Variants in ANKRD24 observed in about 807,000 individuals in gnomAD.
ANKRD24 encodes ankyrin repeat domain 24.
A neutral mutation model predicts 127.8 loss-of-function variants in ANKRD24; 109 were observed. That is an observed-to-expected ratio of 0.85 (90% CI 0.73 to 1.00). The LOEUF (loss-of-function observed/expected upper bound fraction) is 1.00, where lower values mean the gene tolerates loss of function less well. ANKRD24 is among the 50% of genes least tolerant of loss of function. The pLI, the probability that ANKRD24 is intolerant of heterozygous loss-of-function variation, is 0.00. For missense variants in ANKRD24, 1,648 were observed against 1,570.2 expected, an observed-to-expected ratio of 1.05 and a Z score of -0.84; for synonymous variants, 743 against 671.1, an observed-to-expected ratio of 1.11 and a Z score of -1.66.
In ANKRD24 at chr19:4,198,204, C is replaced by A; in HGVS notation, c.37-1479C>A. ...CCGGCGCCGCGTCCTCCTCATCCTC[C>A]AGGCGACAAGGTCAGGAGGGGCCGG... On this transcript the variant is annotated intron_variant, in intron 2 of 21. Coordinates refer to ENST00000318934, the MANE Select transcript of ANKRD24 (RefSeq NM_001393985.1). The surrounding 1 kb of genome is among the most constrained non-coding windows in gnomAD (Gnocchi z 6.1). 1.7e-6 allele frequency: 1 copy of A among 574,294 alleles called. No individual in the cohort carries two copies. Among genetic ancestry groups the A allele is most frequent in the Middle Eastern group, 3.7e-4 (1 of 2,696 alleles). The allele number at this position is 574,294 out of a possible 1,614,324, so 35.6% of individuals were successfully genotyped here.
chr19:4,209,942 T>C (rs1167315124), intron 11 of ANKRD24, 116 bp from the exon 12 acceptor site: 1 of 642,732 alleles, frequency 1.6e-6, no homozygotes, highest in Non-Finnish European at 2.8e-6. Context: ...GGCTGCTGGT[T>C]CCATGTTCTC....
At chr19:4,216,506 A>G in intron 17 of ANKRD24, 44 bp from the exon 18 acceptor site, 5 of 1,568,060 alleles carry the variant, frequency 3.2e-6, no homozygotes, top group Non-Finnish European at 3.5e-6. Flanking sequence ...CCCCACGGTC[A>G]CATCAACTCC....
intron 2 of ANKRD24, among the ~76,000 whole-genome samples, chr19:4,193,845 G>GAGGGAGGGAAGGAAGGAGGGA (rs573649233): frequency 2.5e-5 from 1 of 40,590 alleles, no homozygotes; most frequent in African/African-American, 1.3e-4. Flanking sequence ...GGGAGGGAGG[G>GAGGGAGGGAAGGAAGGAGGGA]AGGAAGGAAG....
chr19:4,193,864 G>GAAGT (rs768549329), intron 2 of ANKRD24, among the ~76,000 whole-genome samples: 13,433 of 133,116 alleles, frequency 0.1, 1,395 homozygotes, highest in Non-Finnish European at 0.15. Context: ...AGGAAGGAAG[G>GAAGT]AAGGAAGGAA....
chr19:4,203,467 C>G (rs1235593898), intron 7 of ANKRD24, among the ~76,000 whole-genome samples: 2 of 152,192 alleles, frequency 1.3e-5, no homozygotes, highest in African/African-American at 4.8e-5. Flanking sequence ...CTGCCTCAGA[C>G]TCCCAAGTAG....
In ANKRD24 at chr19:4,224,021, C is replaced by T. The variant is rs148697615; in HGVS notation, c.3298-106C>T. On this transcript the variant is annotated intron_variant, in intron 20 of 21. Coordinates refer to ENST00000318934, the MANE Select transcript of ANKRD24 (RefSeq NM_001393985.1). The stretch of plus-strand genomic sequence containing the variant: ...CGCCATATTTTCATATTTTAGCAGT[C>T]GGCCATCAACGTACAGGCTTGGGGT... 231 of 793,240 alleles carry T rather than the reference C, an allele frequency of 2.9e-4. 1 individual carries two copies. In the African/African-American group the frequency reaches 3.5e-3, roughly 12 times the overall value. 49.1% of individuals were successfully genotyped at this position (793,240 alleles called of 1,614,324 possible). A position where few individuals can be genotyped will look rare whatever the true frequency, so the allele number is the denominator to read the frequency against.
At chr19:4,189,995 CG>C (rs1968292160) in intron 2 of ANKRD24, among the ~76,000 whole-genome samples, 1 of 152,098 alleles carries the variant, frequency 6.6e-6, no homozygotes, top group South Asian at 2.1e-4. Context: ...AGGTGAAAAA[CG>C]GTCCATTAAC....
chr19:4,202,674 C>A (rs1969158893), intron 6 of ANKRD24, among the ~76,000 whole-genome samples, 195 bp from the exon 7 acceptor site: 2 of 152,218 alleles, frequency 1.3e-5, no homozygotes, highest in South Asian at 4.1e-4. Flanking sequence ...TTCCCAGCCA[C>A]TCCTCAAATT....
chr19:4,186,039 C>A (rs1157050324), intron 1 of ANKRD24, among the ~76,000 whole-genome samples: 1 of 152,072 alleles, frequency 6.6e-6, no homozygotes, highest in Non-Finnish European at 1.5e-5. Flanking sequence ...GTTAGGAGAC[C>A]AGAAAAGGCT....
intron 18 of ANKRD24, among the ~76,000 whole-genome samples, chr19:4,218,413 C>T (rs1404403400): frequency 6.6e-6 from 1 of 151,920 alleles, no homozygotes. Context: ...GATTCTCCTG[C>T]CTCAGCCTCC....
intron 2 of ANKRD24, among the ~76,000 whole-genome samples, chr19:4,190,593 CA>C (rs1188052356): frequency 6.6e-6 from 1 of 152,032 alleles, no homozygotes; most frequent in African/African-American, 2.4e-5. Flanking sequence ...GGCAGCCGGG[CA>C]TGGTGGTGGG....
Position 4,216,534 on chromosome 19 carries a change from C to A in ANKRD24, c.1390-16C>A. 1.3e-6 allele frequency: 2 copies of A among 1,593,380 alleles called. No individual in the cohort carries two copies. ...TCAACTCCTGCCAGACTCCTGCCCC[C>A]CACTCCACTCCCCAGATCCTGGAGA... On this transcript the variant is annotated splice_polypyrimidine_tract_variant and intron_variant, in intron 17 of 21. Coordinates refer to ENST00000318934, the MANE Select transcript of ANKRD24 (RefSeq NM_001393985.1).
intron 21 of ANKRD24, 116 bp downstream of exon 21, chr19:4,224,308 T>G: frequency 7.1e-7 from 1 of 1,413,690 alleles, no homozygotes; most frequent in Non-Finnish European, 9.8e-7. Flanking sequence ...GTTCGTGGCA[T>G]GTGGGAGCCC....
At chr19:4,222,579 T>C in intron 19 of ANKRD24, 91 bp from the exon 20 acceptor site, 1 of 1,395,446 alleles carries the variant, frequency 7.2e-7, no homozygotes, top group Non-Finnish European at 9.4e-7. Flanking sequence ...CTTGAAAGCC[T>C]TTATCCCTGG....
rs537462207 is a variant in ANKRD24 at position 4,195,499 on chromosome 19, C to A, written c.37-4184C>A. On this transcript the variant is annotated intron_variant, in intron 2 of 21. Coordinates refer to ENST00000318934, the MANE Select transcript of ANKRD24 (RefSeq NM_001393985.1). This position sits in a 1 kb window ranked among gnomAD's most constrained non-coding sequence, Gnocchi z 4.2. ...GAAGCTCAGAGGACCTCCCCACCCC[C>A]AAGGGTGGAAGGAGAGAAGAGTTCC... Among the ~76,000 whole-genome samples the A allele has an allele frequency of 7.2e-5, 11 of 152,290 alleles. No individual in the cohort carries two copies. Among genetic ancestry groups the A allele is most frequent in the African/African-American group, 2.4e-4 (10 of 41,566 alleles).
chr19:4,192,682 G>A (rs1405183765), intron 2 of ANKRD24, among the ~76,000 whole-genome samples: 3 of 151,884 alleles, frequency 2.0e-5, no homozygotes, highest in East Asian at 3.9e-4. Flanking sequence ...TGTAATCCCA[G>A]CACTTTAGGA....
chr19:4,217,386 G>C lies in ANKRD24; in HGVS notation c.2226G>C (p.Glu742Asp). 6.4e-7 allele frequency: 1 copy of C among 1,550,598 alleles called. No individual in the cohort carries two copies. Among genetic ancestry groups the C allele is most frequent in the Non-Finnish European group, 8.7e-7 (1 of 1,146,924 alleles). Residue 742 changes from glutamate to aspartate, a missense_variant, in exon 18 of 22, where the codon GAG becomes GAC. Transcript: ENST00000318934. Reference protein sequence around the residue: ...LEEALRQREREAAAELEAALG... With the variant: ...LEEALRQRERDAAAELEAALG... ...AGGCTCTCCGGCAGCGGGAGCGGGA[G>C]GCAGCTGCGGAGCTGGAGGCGGCCC...
rs1185287039 is a variant in ANKRD24 at position 4,198,460 on chromosome 19, C to G, written c.37-1223C>G. 6 of 616,110 alleles carry G rather than the reference C, an allele frequency of 9.7e-6. No individual in the cohort carries two copies. The highest frequency in any genetic ancestry group is 3.8e-5 in the African/African-American group (2 of 52,214). 38.2% of individuals were successfully genotyped at this position (616,110 alleles called of 1,614,324 possible). A position where few individuals can be genotyped will look rare whatever the true frequency, so the allele number is the denominator to read the frequency against. ...CTGGCCGCCGCCTCCTCTTGGAACC[C>G]CGTGCGCCCCCCGCGCCCCGCGCCC... On this transcript the variant is annotated intron_variant, in intron 2 of 21. Transcript: ENST00000318934. The surrounding 1 kb of genome is among the most constrained non-coding windows in gnomAD (Gnocchi z 6.1).
In ANKRD24 at chr19:4,198,120, C is replaced by T. The variant is rs1458103435; in HGVS notation, c.37-1563C>T. ...CCGACTCGGAGGAGGTGGAGATGGA[C>T]GCCCGCGGGTCCCCTGGAGATGCAG... On this transcript the variant is annotated intron_variant, in intron 2 of 21. Coordinates refer to ENST00000318934, the MANE Select transcript of ANKRD24 (RefSeq NM_001393985.1). This position sits in a 1 kb window ranked among gnomAD's most constrained non-coding sequence, Gnocchi z 6.1. 11 of 491,598 alleles carry T rather than the reference C, an allele frequency of 2.2e-5. No homozygotes were observed. The highest frequency in any genetic ancestry group is 4.2e-5 in the Admixed American group (1 of 23,612). The allele number at this position is 491,598 out of a possible 1,614,324, so 30.5% of individuals were successfully genotyped here.
Sources: allele counts gnomAD v4.1 joint callset (sites outside exome capture counted in the v4.1 genomes callset), GRCh38; gene constraint gnomAD v4.1.1; non-coding constraint Gnocchi (gnomAD v3.1); transcripts MANE v1.5; gene names NCBI Gene and HGNC (gene_info 2026-07-23, HGNC 2026-07-21).